The following SKI variants were observed in gnomAD, a reference collection of about 807,000 sequenced individuals.
The protein encoded by SKI is SKI proto-oncogene, also known as ski oncogene.
A neutral mutation model predicts 59.3 loss-of-function variants in SKI; 23 were observed. The observed-to-expected ratio is 0.39, with a 90% CI of 0.28 to 0.55. SKI has a LOEUF of 0.55. Ranked by LOEUF, SKI falls within the 20% of genes least tolerant of loss-of-function variation. The pLI is 0.67. For synonymous variants in SKI, 673 were observed against 488.6 expected (o/e 1.38, Z -4.98); for missense variants, 1,017 against 1,038.9 (o/e 0.98, Z 0.29).
intron 1 of SKI, among the ~76,000 whole-genome samples, chr1:2,299,347 G>A (rs1412713752): frequency 3.3e-5 from 5 of 152,186 alleles, no homozygotes; most frequent in African/African-American, 1.2e-4. Context: ...CACAGTGGGG[G>A]AAGTGGCCCA....
Position 2,300,027 on chromosome 1 carries a change from C to A in SKI, c.970-2951C>A, listed in dbSNP as rs756871629. On this transcript the variant is annotated intron_variant, in intron 1 of 6. Transcript: ENST00000378536. ...GGGCTTTGCTCAGGAACTGTTCCGT[C>A]AGAGGGCCTAGGGTGTCCACAGTCT... Among the ~76,000 whole-genome samples the A allele has an allele frequency of 1.2e-4, 18 of 152,346 alleles. No individual in the cohort carries two copies. The Middle Eastern group carries it at 0.01, about 86-fold the overall frequency.
At chr1:2,288,811 T>A (rs1640100198) in intron 1 of SKI, among the ~76,000 whole-genome samples, 1 of 152,018 alleles carries the variant, frequency 6.6e-6, no homozygotes, top group Non-Finnish European at 1.5e-5. Flanking sequence ...GGGGACCTTG[T>A]CTCAGGTACC....
chr1:2,294,594 C>G, intron 1 of SKI, among the ~76,000 whole-genome samples: 1 of 152,260 alleles, frequency 6.6e-6, no homozygotes, highest in South Asian at 2.1e-4. Flanking sequence ...CTCCACTGAA[C>G]GTGGGTCCAC....
intron 1 of SKI, among the ~76,000 whole-genome samples, chr1:2,243,712 T>A (rs1481118504): frequency 6.6e-6 from 1 of 152,160 alleles, no homozygotes; most frequent in African/African-American, 2.4e-5. Context: ...CTCTGCTGCA[T>A]GGGATGCTAG....
rs1314292316 is a variant in SKI, at chr1:2,240,157, CCCGCAGGGTGGCCCCCA to C, written c.969+10425_969+10441del. Among the ~76,000 whole-genome samples the C allele has an allele frequency of 3.3e-5, 5 of 152,304 alleles. No homozygotes were observed. The South Asian group carries it at 8.3e-4, about 25-fold the overall frequency. ...AAGGGCTGAGGGAGGTGGCCAGGAC[CCCGCAGGGTGGCCCCCA>C]CCACAGAGGCTGCTGTCCTCCGGGT... is the stretch of plus-strand genomic sequence containing the variant. On this transcript the variant is annotated intron_variant, in intron 1 of 6. Coordinates refer to ENST00000378536, the MANE Select transcript of SKI (RefSeq NM_003036.4).
At chr1:2,252,600 G>A (rs1639188472) in intron 1 of SKI, among the ~76,000 whole-genome samples, 1 of 105,378 alleles carries the variant, frequency 9.5e-6, no homozygotes, top group South Asian at 3.7e-4. Context: ...CTCAGGGAAG[G>A]GAGCAGCCCC....
intron 1 of SKI, among the ~76,000 whole-genome samples, chr1:2,282,584 G>A (rs971124778): frequency 7.9e-5 from 12 of 152,096 alleles, no homozygotes; most frequent in South Asian, 2.1e-4. Context: ...GCAGTATTTC[G>A]GCTTGTGTGG....
At chr1:2,254,873 G>A (rs1639240849) in intron 1 of SKI, among the ~76,000 whole-genome samples, 1 of 152,198 alleles carries the variant, frequency 6.6e-6, no homozygotes, top group Admixed American at 6.5e-5. Flanking sequence ...GGGTTTCTGA[G>A]GGTGGAGACA....
Position 2,309,906 on chromosome 1 carries a change from G to A in SKI, c.*3141G>A, listed in dbSNP as rs553517520. On this transcript the variant is annotated 3_prime_UTR_variant, in exon 7 of 7. Coordinates refer to ENST00000378536, the MANE Select transcript of SKI (RefSeq NM_003036.4). The stretch of plus-strand genomic sequence containing the variant: ...CCCACCAGGGTCCAGGGAGATGTTC[G>A]TTCTCGCTTTAAGTCAGGAGTCACA... 1.5e-4 allele frequency: 14 copies of A among 91,910 alleles called. No individual in the cohort carries two copies. Among genetic ancestry groups the A allele is most frequent in the African/African-American group, 5.8e-4 (13 of 22,276 alleles). The allele number at this position is 91,910 out of a possible 1,614,324, so 5.7% of individuals were successfully genotyped here. A position where few individuals can be genotyped will look rare whatever the true frequency, so the allele number is the denominator to read the frequency against.
Position 2,306,807 on chromosome 1 carries a change from C to G in SKI, c.*42C>G. 7.2e-7 allele frequency: 1 copy of G among 1,391,954 alleles called. No individual in the cohort carries two copies. The highest frequency in any genetic ancestry group is 9.3e-7 in the Non-Finnish European group (1 of 1,071,238). The allele number at this position is 1,391,954 out of a possible 1,614,324, so 86.2% of individuals were successfully genotyped here. A position where few individuals can be genotyped will look rare whatever the true frequency, so the allele number is the denominator to read the frequency against. On this transcript the variant is annotated 3_prime_UTR_variant, in exon 7 of 7. Coordinates refer to ENST00000378536, the MANE Select transcript of SKI (RefSeq NM_003036.4). ...CGCAGCGCCGCCGACAACGCGGGTG[C>G]AGGGGGGCGCGGCTGGGCGGTGCAG... is the stretch of plus-strand genomic sequence containing the variant.
chr1:2,241,730 C>T (rs977715912), intron 1 of SKI, among the ~76,000 whole-genome samples: 4 of 152,310 alleles, frequency 2.6e-5, no homozygotes, highest in Admixed American at 1.3e-4. Context: ...CAGGCATCAT[C>T]TTATTTCATA....
At chr1:2,258,337 G>T (rs529182056) in intron 1 of SKI, among the ~76,000 whole-genome samples, 146 of 152,272 alleles carry the variant, frequency 9.6e-4, no homozygotes, top group African/African-American at 3.4e-3. Flanking sequence ...TATTCTAGAT[G>T]CCGAGGCCGA....
Position 2,228,921 on chromosome 1 carries a change from C to T in SKI, c.155C>T (p.Ala52Val), listed in dbSNP as rs1362296627. The T allele has an allele frequency of 2.2e-6, 3 of 1,393,282 alleles. No individual in the cohort carries two copies. The highest frequency in any genetic ancestry group is 2.8e-5 in the South Asian group (2 of 71,486). 86.3% of individuals were successfully genotyped at this position (1,393,282 alleles called of 1,614,324 possible). A position where few individuals can be genotyped will look rare whatever the true frequency, so the allele number is the denominator to read the frequency against. The change falls in exon 1 of 7, where the codon GCC becomes GTC. Residue 52 changes from alanine to valine, a missense_variant. By Grantham distance (64) the Ala-to-Val change is moderately conservative. Coordinates refer to ENST00000378536, the MANE Select transcript of SKI (RefSeq NM_003036.4). The part of the protein sequence containing the change: ...WAQEAYKKES[A>V]KEAGAAAVPA... ...CAGGAGGCCTACAAGAAGGAGAGCG[C>T]CAAGGAGGCGGGCGCGGCCGCGGTG...
intron 1 of SKI, among the ~76,000 whole-genome samples, chr1:2,258,163 G>A (rs1639312058): frequency 6.6e-6 from 1 of 152,216 alleles, no homozygotes; most frequent in African/African-American, 2.4e-5. Flanking sequence ...GTAATCTTTG[G>A]ACAGCCAGAT....
rs1196754244 is a variant in SKI at position 2,267,590 on chromosome 1, C to T, written c.970-35388C>T. Among the ~76,000 whole-genome samples the T allele has an allele frequency of 2.6e-5, 4 of 152,246 alleles. No individual in the cohort carries two copies. Among genetic ancestry groups the T allele is most frequent in the African/African-American group, 4.8e-5 (2 of 41,538 alleles). On this transcript the variant is annotated intron_variant, in intron 1 of 6. Transcript: ENST00000378536. The surrounding 1 kb of genome is among the most constrained non-coding windows in gnomAD (Gnocchi z 4.1). ...TGAGGGAGTGGGGCATTAGGGGCCA[C>T]GTGGTCAGCACTGCACTCTGCTCTC...
At chr1:2,300,153 G>C (rs1040162950) in intron 1 of SKI, among the ~76,000 whole-genome samples, 3 of 152,258 alleles carry the variant, frequency 2.0e-5, no homozygotes, top group African/African-American at 7.2e-5. Context: ...CTGCTGGCCA[G>C]GTAGCTTGCC....
chr1:2,303,843 C>A lies in SKI; in HGVS notation c.1215C>A (p.Phe405Leu). 6.2e-7 allele frequency: 1 copy of A among 1,612,536 alleles called. No homozygotes were observed. Among genetic ancestry groups the A allele is most frequent in the Non-Finnish European group, 8.5e-7 (1 of 1,179,784 alleles). The change falls in exon 4 of 7, where the codon TTC becomes TTA. Residue 405 changes from phenylalanine (F) to leucine (L), a missense_variant. Physicochemically the swap from Phe to Leu is conservative, Grantham distance 22. Transcript: ENST00000378536. The surrounding 1 kb of genome is among the most constrained non-coding windows in gnomAD (Gnocchi z 5.6). Reference sequence around the variant, plus strand: ...CGACACCCGCCTGCCCCTCCAGCTTCTACTCCTACAAGAGCTTTGAGACAG... The same window carrying A: ...CGACACCCGCCTGCCCCTCCAGCTTATACTCCTACAAGAGCTTTGAGACAG... ...PHLPALIRDS[F>L]YSYKSFETAV...
rs1013040374 is a variant in SKI at position 2,293,520 on chromosome 1, C to G, written c.970-9458C>G. Among the ~76,000 whole-genome samples the G allele has an allele frequency of 2.0e-5, 3 of 151,958 alleles. No individual in the cohort carries two copies. The East Asian group carries it at 5.8e-4, about 29-fold the overall frequency. On this transcript the variant is annotated intron_variant, in intron 1 of 6. Coordinates refer to ENST00000378536, the MANE Select transcript of SKI (RefSeq NM_003036.4). The stretch of plus-strand genomic sequence containing the variant: ...TTTTCTGCGTGTCTGTCCCCACCAT[C>G]GTGCCCTCTTCTTCTCTGGACTGCG...
At chr1:2,260,542 T>TTTTC (rs1639365909) in intron 1 of SKI, among the ~76,000 whole-genome samples, 1 of 123,184 alleles carries the variant, frequency 8.1e-6, no homozygotes, top group African/African-American at 3.2e-5. Context: ...TTTCTTTTTT[T>TTTTC]TTTTTTTTTT....
Sources: gnomAD v4.1 joint callset for allele counts (sites outside exome capture counted in the v4.1 genomes callset) on GRCh38, gnomAD v4.1.1 for gene constraint, Gnocchi (gnomAD v3.1) non-coding constraint, MANE v1.5 for transcripts, NCBI Gene and HGNC (gene_info 2026-07-23, HGNC 2026-07-21) for gene names.